The following GRID2 variants were observed in gnomAD, a reference collection of about 807,000 sequenced individuals.
The protein encoded by GRID2 is glutamate ionotropic receptor delta type subunit 2.
A neutral mutation model predicts 114.8 loss-of-function variants in GRID2; 33 were observed. That is an observed-to-expected ratio of 0.29 (90% CI 0.22 to 0.38). The LOEUF is 0.38. Among genes scored for constraint, GRID2 ranks in the 10% least tolerant of loss-of-function variants. The pLI, the probability that GRID2 is intolerant of heterozygous loss-of-function variation, is 1.00. For missense variants in GRID2, 1,184 were observed against 1,257.7 expected, an observed-to-expected ratio of 0.94 and a Z score of 0.89; for synonymous variants, 505 against 449.9, an observed-to-expected ratio of 1.12 and a Z score of -1.55.
intron 8 of GRID2, among the ~76,000 whole-genome samples, chr4:93,277,575 G>A (rs1752189485): frequency 6.6e-6 from 1 of 151,178 alleles, no homozygotes; most frequent in African/African-American, 2.4e-5. Flanking sequence ...AATATACAGT[G>A]ATTATTTTAA....
chr4:92,611,468 A>T (rs1031560564), intron 2 of GRID2, among the ~76,000 whole-genome samples: 1 of 151,558 alleles, frequency 6.6e-6, no homozygotes. Flanking sequence ...TTTAACCTTA[A>T]TTACCTCCTT....
rs1043827719 is a variant in GRID2, at chr4:93,264,611, A to G, written c.1245+26121A>G. 4.0e-5 allele frequency among the ~76,000 whole-genome samples: 6 copies of G among 150,582 alleles called. No individual in the cohort carries two copies. The Admixed American group carries it at 4.0e-4, about 10-fold the overall frequency. On this transcript the variant is annotated intron_variant, in intron 8 of 15. Coordinates refer to ENST00000282020, the MANE Select transcript of GRID2 (RefSeq NM_001510.4). ...GATGACTTTTGGTTTCTGTGTTCCT[A>G]CAATTTCTCTTCTCCTGAGGACATA...
intron 13 of GRID2, among the ~76,000 whole-genome samples, chr4:93,584,748 T>C (rs1737362082): frequency 6.6e-6 from 1 of 152,164 alleles, no homozygotes. Context: ...TTTAACTATG[T>C]TTATGCTGTC....
intron 1 of GRID2, among the ~76,000 whole-genome samples, chr4:92,462,503 G>A (rs1721548322): frequency 6.6e-6 from 1 of 151,768 alleles, no homozygotes; most frequent in Non-Finnish European, 1.5e-5. Context: ...AATAAAGTTA[G>A]TGTTCTCAAT....
At position 92,304,767 on chromosome 4, in the gene GRID2, C is replaced by T. The variant is rs764551559; in HGVS notation, c.88+23C>T. ...TCGGTAAGAAAGTGTTGGTGCAGCTCGTGGTTACTTTTACCGTTTCAGTTC... is the reference window on the plus strand; with the variant it reads ...TCGGTAAGAAAGTGTTGGTGCAGCTTGTGGTTACTTTTACCGTTTCAGTTC... On this transcript the variant is annotated intron_variant, in intron 1 of 15. Transcript: ENST00000282020. The T allele has an allele frequency of 3.3e-6, 5 of 1,528,114 alleles. No homozygotes were observed. In the South Asian group the frequency reaches 4.5e-5, roughly 14 times the overall value. The allele number at this position is 1,528,114 out of a possible 1,614,324, so 94.7% of individuals were successfully genotyped here.
At chr4:93,211,055 A>G (rs1743409222) in intron 5 of GRID2, among the ~76,000 whole-genome samples, 1 of 152,202 alleles carries the variant, frequency 6.6e-6, no homozygotes, top group South Asian at 2.1e-4. Flanking sequence ...AATGCTTACA[A>G]TCACTAAATT....
In GRID2 at chr4:92,385,220, AGATAT is replaced by A. The variant is rs1269677893; in HGVS notation, c.88+80477_88+80481del. 2.6e-5 allele frequency among the ~76,000 whole-genome samples: 4 copies of A among 151,814 alleles called. No individual in the cohort carries two copies. The East Asian group carries it at 7.7e-4, about 29-fold the overall frequency. On this transcript the variant is annotated intron_variant, in intron 1 of 15. Transcript: ENST00000282020. Reference sequence around the variant, plus strand: ...GCTATCCTTTATTATAATATAATTTAGATATAATTCAAAATTTAGCTATAATTCCA... The same window carrying A: ...GCTATCCTTTATTATAATATAATTTAAATTCAAAATTTAGCTATAATTCCA...
At chr4:93,100,690 C>A (rs943515211) in intron 3 of GRID2, among the ~76,000 whole-genome samples, 7 of 151,838 alleles carry the variant, frequency 4.6e-5, no homozygotes, top group African/African-American at 1.2e-4. Flanking sequence ...AGTACTGAAG[C>A]CTTTTTCTAC....
At chr4:93,423,986 T>G (rs1768591291) in intron 10 of GRID2, among the ~76,000 whole-genome samples, 1 of 152,138 alleles carries the variant, frequency 6.6e-6, no homozygotes. Context: ...TCCCTTTGTA[T>G]TTTTGTTCGT....
chr4:93,050,581 A>G (rs1726613874), intron 2 of GRID2, among the ~76,000 whole-genome samples: 1 of 151,548 alleles, frequency 6.6e-6, no homozygotes, highest in African/African-American at 2.4e-5. Flanking sequence ...ATGCTTACCA[A>G]CAATTTGCAA....
rs28555271 is a variant in GRID2, at chr4:92,845,545, T to A, written c.245-239450T>A. ...GGTACCTGACCAAAAATAAAAATTT[T>A]AAAAAAACATAGTAAATATACCATC... is the stretch of plus-strand genomic sequence containing the variant. On this transcript the variant is annotated intron_variant, in intron 2 of 15. Transcript: ENST00000282020. Among the ~76,000 whole-genome samples the A allele has an allele frequency of 5.3e-5, 8 of 152,120 alleles. No homozygotes were observed. The South Asian group carries it at 1.5e-3, about 28-fold the overall frequency.
intron 2 of GRID2, among the ~76,000 whole-genome samples, chr4:93,038,521 T>TAAACA (rs1398092536): frequency 1.3e-5 from 2 of 152,144 alleles, no homozygotes; most frequent in African/African-American, 4.8e-5. Context: ...CCAGGTGTGG[T>TAAACA]GGCTCACGCC....
At chr4:93,693,193 G>C (rs1025749085) in intron 14 of GRID2, among the ~76,000 whole-genome samples, 1 of 152,098 alleles carries the variant, frequency 6.6e-6, no homozygotes, top group Non-Finnish European at 1.5e-5. Flanking sequence ...TTTTGAATCA[G>C]CTTATTTATA....
At chr4:93,098,933 C>G (rs1246371458) in intron 3 of GRID2, among the ~76,000 whole-genome samples, 1 of 151,242 alleles carries the variant, frequency 6.6e-6, no homozygotes, top group African/African-American at 2.4e-5. Flanking sequence ...AGTTAGCAGA[C>G]TCTGGTGACC....
Position 93,662,015 on chromosome 4 carries a change from C to G in GRID2, c.2360+35580C>G, listed in dbSNP as rs1045757833. Among the ~76,000 whole-genome samples the G allele has an allele frequency of 4.6e-5, 7 of 152,286 alleles. No individual in the cohort carries two copies. In the East Asian group the frequency reaches 1.3e-3, roughly 29 times the overall value. ...GGCTCCTGACATCACTTCTTCCATT[C>G]CCCCCAACCCTTGCTCATTCTGTTC... On this transcript the variant is annotated intron_variant, in intron 14 of 15. Coordinates refer to ENST00000282020, the MANE Select transcript of GRID2 (RefSeq NM_001510.4).
intron 2 of GRID2, among the ~76,000 whole-genome samples, chr4:92,671,923 T>C (rs1049414449): frequency 6.6e-6 from 1 of 152,130 alleles, no homozygotes; most frequent in Non-Finnish European, 1.5e-5. Context: ...TCAGACCATA[T>C]GGTTTCAGGA....
chr4:93,401,698 G>C (rs537410109), intron 9 of GRID2, among the ~76,000 whole-genome samples: 2 of 152,162 alleles, frequency 1.3e-5, no homozygotes, highest in East Asian at 3.9e-4. Context: ...CTCAATCATA[G>C]AAGGATATAC....
At chr4:92,657,803 C>T (rs1732321041) in intron 2 of GRID2, among the ~76,000 whole-genome samples, 2 of 151,610 alleles carry the variant, frequency 1.3e-5, no homozygotes, top group South Asian at 4.1e-4. Flanking sequence ...AATGGAGTTT[C>T]CCTTGTCATT....
chr4:92,662,794 A>T (rs1340164185), intron 2 of GRID2, among the ~76,000 whole-genome samples: 1 of 151,062 alleles, frequency 6.6e-6, no homozygotes, highest in East Asian at 1.9e-4. Context: ...ATTTAAATCA[A>T]TGAACAATAT....
Sources: gnomAD v4.1 joint callset for allele counts (sites outside exome capture counted in the v4.1 genomes callset) on GRCh38, gnomAD v4.1.1 for gene constraint, MANE v1.5 for transcripts, NCBI Gene and HGNC (gene_info 2026-07-23, HGNC 2026-07-21) for gene names.